SYNJ1: variants seen among roughly 807,000 people sequenced by gnomAD.
SYNJ1 encodes the protein synaptojanin 1, also known as polyphosphatidylinositol phosphatase SYNJ1.
Under a neutral mutation model 168.2 loss-of-function variants are expected in SYNJ1, and 78 were observed. The ratio of observed to expected loss-of-function variants is 0.46; its 90% CI spans 0.39 to 0.56. SYNJ1 has a LOEUF of 0.56. Ranked by LOEUF, SYNJ1 falls within the 20% of genes least tolerant of loss-of-function variation. The pLI is 0.00. For missense variants in SYNJ1, 1,303 were observed against 1,597.6 expected (o/e 0.82, Z 3.14); for synonymous variants, 539 against 548.6 (o/e 0.98, Z 0.24).
chr21:32,653,996 A>T (rs2040369913), intron 21 of SYNJ1: 1 of 152,212 alleles, frequency 6.6e-6, no homozygotes. Context: ...GAGGAAAAAA[A>T]AAATAAAAAG....
chr21:32,727,873 T>A, intron 1 of SYNJ1, 73 bp downstream of exon 1: 2 of 1,524,026 alleles, frequency 1.3e-6, no homozygotes, highest in South Asian at 1.2e-5. Flanking sequence ...AGACTGGTCT[T>A]GGAGGCGTCC....
intron 18 of SYNJ1, 147 bp from the exon 19 acceptor site, chr21:32,658,019 G>A: frequency 1.6e-6 from 1 of 621,798 alleles, no homozygotes; most frequent in Non-Finnish European, 2.8e-6. Context: ...TAGCTGAATG[G>A]AACAAAGCTT....
intron 2 of SYNJ1, among the ~76,000 whole-genome samples, chr21:32,719,772 A>G (rs182373538): frequency 2.8e-4 from 42 of 151,966 alleles, no homozygotes; most frequent in African/African-American, 9.4e-4. Context: ...CTCAACAAGC[A>G]CACACATCTC....
chr21:32,645,022 A>C lies in SYNJ1; in HGVS notation c.3392-16T>G. The C allele has an allele frequency of 6.3e-7, 1 of 1,597,312 alleles. No homozygotes were observed. Among genetic ancestry groups the C allele is most frequent in the Non-Finnish European group, 8.5e-7 (1 of 1,174,918 alleles). On this transcript the variant is annotated splice_polypyrimidine_tract_variant and intron_variant, in intron 25 of 32. Transcript: ENST00000674351. ...CTCCTAGCCCCTTATAGTTCATAAG[A>C]AAATAGGCAGCAGAAAGGAAATGAC...
chr21:32,727,683 C>G (rs2043531272), intron 1 of SYNJ1, among the ~76,000 whole-genome samples: 1 of 152,222 alleles, frequency 6.6e-6, no homozygotes, highest in African/African-American at 2.4e-5. Flanking sequence ...AAGAGATACC[C>G]CGGCGCCCAG....
At chr21:32,633,579 A>C (rs1054812726) in intron 32 of SYNJ1, among the ~76,000 whole-genome samples, 1 of 152,254 alleles carries the variant, frequency 6.6e-6, no homozygotes, top group Admixed American at 6.5e-5. Context: ...TAAAATGAGC[A>C]CTGCCCAAAA....
Position 32,639,795 on chromosome 21 carries a change from A to C in SYNJ1, c.3589-16T>G, listed in dbSNP as rs369384628. On this transcript the variant is annotated splice_polypyrimidine_tract_variant and intron_variant, in intron 29 of 32. Coordinates refer to ENST00000674351, the MANE Select transcript of SYNJ1 (RefSeq NM_203446.3). ...GAGGAATCGTCTACAGATAGGAAAC[A>C]TAACACTTGAGACATTTACTTACCT... 7.1e-5 allele frequency: 113 copies of C among 1,602,080 alleles called. No homozygotes were observed. Among genetic ancestry groups the C allele is most frequent in the Non-Finnish European group, 9.3e-5 (109 of 1,169,828 alleles).
At chr21:32,660,885 A>C (rs2040671462) in intron 18 of SYNJ1, among the ~76,000 whole-genome samples, 4 of 152,202 alleles carry the variant, frequency 2.6e-5, no homozygotes, top group Admixed American at 1.3e-4. Flanking sequence ...AGAAGGTGGC[A>C]GTCATGCACT....
chr21:32,674,711 A>G (rs1903488364), intron 13 of SYNJ1, among the ~76,000 whole-genome samples: 1 of 152,052 alleles, frequency 6.6e-6, no homozygotes, highest in Non-Finnish European at 1.5e-5. Flanking sequence ...GAACCTTAAA[A>G]GCACCTCAAC....
chr21:32,717,460 T>C (rs1403180796), intron 2 of SYNJ1, among the ~76,000 whole-genome samples: 1 of 152,216 alleles, frequency 6.6e-6, no homozygotes, highest in Non-Finnish European at 1.5e-5. Context: ...TACAGTTATT[T>C]GGAAGTTCGG....
chr21:32,700,347 G>A (rs1416262056), intron 3 of SYNJ1, among the ~76,000 whole-genome samples: 1 of 152,068 alleles, frequency 6.6e-6, no homozygotes, highest in African/African-American at 2.4e-5. Flanking sequence ...CTTATTCTGA[G>A]GCTAAAAAAA....
At chr21:32,692,886 C>T (rs376465209) in intron 6 of SYNJ1, among the ~76,000 whole-genome samples, 2 of 152,094 alleles carry the variant, frequency 1.3e-5, no homozygotes, top group South Asian at 4.1e-4. Flanking sequence ...CCTGTCTCTA[C>T]AAAAAATAGT....
At chr21:32,670,898 T>A in intron 14 of SYNJ1, 1 of 788,618 alleles carries the variant, frequency 1.3e-6, no homozygotes, top group Non-Finnish European at 1.5e-6. Flanking sequence ...TCACTCTGTC[T>A]AGCTGCTGGC....
Position 32,671,239 on chromosome 21 carries a change from T to G in SYNJ1, c.1727-867A>C, listed in dbSNP as rs1368373964. Among the ~76,000 whole-genome samples the G allele has an allele frequency of 4.0e-5, 6 of 151,828 alleles. No homozygotes were observed. In the South Asian group the frequency reaches 1.0e-3, roughly 26 times the overall value. ...GGAGGATCTCTTGAGCCCAGGAGTT[T>G]GAGGTTATCGTGACCTATGATATGG... On this transcript the variant is annotated intron_variant, in intron 14 of 32. Transcript: ENST00000674351.
intron 15 of SYNJ1, among the ~76,000 whole-genome samples, chr21:32,669,935 C>T (rs1181600198): frequency 6.6e-6 from 1 of 152,082 alleles, no homozygotes; most frequent in African/African-American, 2.4e-5. Context: ...CCACCCTTCT[C>T]AGTAAATTTT....
In SYNJ1 at chr21:32,631,283, C is replaced by T. The variant is rs777945782; in HGVS notation, c.*522G>A. 1.4e-5 allele frequency: 23 copies of T among 1,614,062 alleles called. No individual in the cohort carries two copies. The highest frequency in any genetic ancestry group is 3.3e-5 in the Admixed American group (2 of 60,008). On this transcript the variant is annotated 3_prime_UTR_variant, in exon 33 of 33. Transcript: ENST00000674351. Reference sequence around the variant, plus strand: ...CTTCCTCGAAGGTTACCCATCCTTTCGGGTTGCTAATTTTTAATGTAGACT... The same window carrying T: ...CTTCCTCGAAGGTTACCCATCCTTTTGGGTTGCTAATTTTTAATGTAGACT...
chr21:32,648,100 C>A (rs149935929), intron 23 of SYNJ1, among the ~76,000 whole-genome samples: 1 of 152,250 alleles, frequency 6.6e-6, no homozygotes, highest in East Asian at 1.9e-4. Flanking sequence ...AACAAATGGG[C>A]CCCACCCAGC....
At chr21:32,714,377 G>C (rs551810037) in intron 2 of SYNJ1, among the ~76,000 whole-genome samples, 1 of 152,306 alleles carries the variant, frequency 6.6e-6, no homozygotes, top group South Asian at 2.1e-4. Context: ...TTTTTTAAAA[G>C]ACTGGGGTGT....
chr21:32,702,191 A>G (rs922142449), intron 2 of SYNJ1, 144 bp from the exon 3 acceptor site: 2 of 536,556 alleles, frequency 3.7e-6, no homozygotes, highest in Non-Finnish European at 6.5e-6. Context: ...TAAACTAGTA[A>G]CATTAGTATT....
Sources: gnomAD v4.1 joint callset for allele counts (sites outside exome capture counted in the v4.1 genomes callset) on GRCh38, gnomAD v4.1.1 for gene constraint, MANE v1.5 for transcripts, NCBI Gene and HGNC (gene_info 2026-07-23, HGNC 2026-07-21) for gene names.